Variants in PARN observed in about 807,000 individuals in gnomAD.
The protein encoded by PARN is poly(A)-specific ribonuclease PARN.
A neutral mutation model predicts 102.8 loss-of-function variants in PARN; 71 were observed. The ratio of observed to expected loss-of-function variants is 0.69; its 90% confidence interval spans 0.57 to 0.84. PARN has a LOEUF of 0.84. Among genes scored for constraint, PARN ranks in the 40% least tolerant of loss-of-function variants. The pLI is 0.00. For missense variants in PARN, 782 were observed against 760.9 expected (o/e 1.03, Z -0.33); for synonymous variants, 261 against 252.9 (o/e 1.03, Z -0.30).
At chr16:14,617,981 A>G (rs1972034645) in intron 5 of PARN, among the ~76,000 whole-genome samples, 1 of 151,692 alleles carries the variant, frequency 6.6e-6, no homozygotes, top group African/African-American at 2.4e-5. Flanking sequence ...TGCTGGGATT[A>G]CAGATGTGAG....
At chr16:14,530,590 C>G (rs1966272280) in intron 21 of PARN, among the ~76,000 whole-genome samples, 1 of 151,736 alleles carries the variant, frequency 6.6e-6, no homozygotes, top group African/African-American at 2.4e-5. Context: ...CATTTTCTAA[C>G]TTCTTCCATT....
intron 21 of PARN, among the ~76,000 whole-genome samples, chr16:14,518,325 A>C (rs981905131): frequency 6.7e-6 from 1 of 148,360 alleles, no homozygotes; most frequent in Non-Finnish European, 1.5e-5. Flanking sequence ...AAGACTACTC[A>C]TATTAAAGAA....
At chr16:14,542,747 T>A (rs1426447227) in intron 21 of PARN, among the ~76,000 whole-genome samples, 1 of 152,152 alleles carries the variant, frequency 6.6e-6, no homozygotes, top group Non-Finnish European at 1.5e-5. Context: ...AAAGAGTCAG[T>A]GATCCTGTGG....
chr16:14,602,337 C>A (rs958312764), intron 11 of PARN, among the ~76,000 whole-genome samples: 26 of 152,000 alleles, frequency 1.7e-4, no homozygotes, highest in African/African-American at 4.1e-4. Context: ...AGCCCCAGGT[C>A]CTCTTCTCAT....
Position 14,629,645 on chromosome 16 carries a change from G to T in PARN, c.49C>A (p.Gln17Lys). 1 of 1,613,252 alleles carries T rather than the reference G, an allele frequency of 6.2e-7. No homozygotes were observed. The change falls in exon 2 of 24, where the codon CAG becomes AAG. Residue 17 changes from glutamine (Q) to lysine (K), a missense_variant. Coordinates refer to ENST00000437198, the MANE Select transcript of PARN (RefSeq NM_002582.4). ...NFKSNLHKVY[Q>K]AIEEADFFAI... ...AAGAAGTCGGCCTCCTCTATGGCCT[G>T]GTACACTTTGTGAAGATTACTCTTA...
At chr16:14,529,264 T>C (rs1180794444) in intron 21 of PARN, among the ~76,000 whole-genome samples, 1 of 152,236 alleles carries the variant, frequency 6.6e-6, no homozygotes, top group Non-Finnish European at 1.5e-5. Flanking sequence ...AATGTTTTAC[T>C]TGGCGTTGGA....
At chr16:14,498,562 C>T (rs570501944) in intron 21 of PARN, among the ~76,000 whole-genome samples, 1 of 152,134 alleles carries the variant, frequency 6.6e-6, no homozygotes, top group Non-Finnish European at 1.5e-5. Flanking sequence ...CAGGACACAT[C>T]ATACACGATC....
chr16:14,504,151 A>C (rs1018585926), intron 21 of PARN, among the ~76,000 whole-genome samples: 2 of 152,230 alleles, frequency 1.3e-5, no homozygotes, highest in East Asian at 3.8e-4. Context: ...ACTAATTTTT[A>C]ATGCACAAGG....
At chr16:14,544,273 T>A (rs1449582517) in intron 21 of PARN, among the ~76,000 whole-genome samples, 1 of 151,880 alleles carries the variant, frequency 6.6e-6, no homozygotes, top group East Asian at 1.9e-4. Flanking sequence ...CTAGAATAAA[T>A]AGAAGGAAAA....
At chr16:14,501,040 T>C (rs578154939) in intron 21 of PARN, among the ~76,000 whole-genome samples, 2 of 152,062 alleles carry the variant, frequency 1.3e-5, no homozygotes, top group Admixed American at 6.6e-5. Flanking sequence ...CAAAATAATT[T>C]TAACTAATAT....
At chr16:14,474,910 T>C (rs1385757793) in intron 22 of PARN, among the ~76,000 whole-genome samples, 1 of 152,270 alleles carries the variant, frequency 6.6e-6, no homozygotes, top group Non-Finnish European at 1.5e-5. Flanking sequence ...TTCTCCTTCC[T>C]AAAGGGCTTT....
intron 21 of PARN, among the ~76,000 whole-genome samples, chr16:14,491,739 T>A (rs1384566675): frequency 1.3e-5 from 2 of 151,812 alleles, no homozygotes; most frequent in South Asian, 2.1e-4. Context: ...ACCACTATAT[T>A]CCAGCCTGCG....
chr16:14,519,955 AAG>A (rs1460863714), intron 21 of PARN, among the ~76,000 whole-genome samples: 1 of 152,206 alleles, frequency 6.6e-6, no homozygotes, highest in Non-Finnish European at 1.5e-5. Context: ...CACACACAAA[AAG>A]AGAGATACTA....
At position 14,617,890 on chromosome 16, in the gene PARN, A is replaced by G. The variant is rs190554128; in HGVS notation, c.328-240T>C. Among the ~76,000 whole-genome samples, 74 of 152,034 alleles carry G rather than the reference A, an allele frequency of 4.9e-4. 1 individual carries two copies. In the East Asian group the frequency reaches 0.014, roughly 29 times the overall value. ...TCCTTTGTTTCACAATTTTTTTTTT[A>G]TAGACAGGGTCTCACTATGTTGCCC... On this transcript the variant is annotated intron_variant, in intron 5 of 23. Coordinates refer to ENST00000437198, the MANE Select transcript of PARN (RefSeq NM_002582.4).
chr16:14,494,719 C>T (rs140657382), intron 21 of PARN, among the ~76,000 whole-genome samples: 8 of 152,342 alleles, frequency 5.3e-5, no homozygotes, highest in African/African-American at 1.9e-4. Context: ...AGATCTCCTC[C>T]TCCTGACAAA....
intron 5 of PARN, among the ~76,000 whole-genome samples, chr16:14,625,306 T>G (rs1188977919): frequency 6.6e-6 from 1 of 152,048 alleles, no homozygotes; most frequent in Non-Finnish European, 1.5e-5. Context: ...GAGACCAGCC[T>G]GATCAACATG....
At chr16:14,501,079 T>A (rs1964559706) in intron 21 of PARN, among the ~76,000 whole-genome samples, 1 of 151,794 alleles carries the variant, frequency 6.6e-6, no homozygotes, top group Non-Finnish European at 1.5e-5. Context: ...AGTAACTAAT[T>A]CCCTTGAGGA....
At chr16:14,626,428 TG>T (rs1245823962) in intron 5 of PARN, among the ~76,000 whole-genome samples, 1 of 152,160 alleles carries the variant, frequency 6.6e-6, no homozygotes, top group East Asian at 1.9e-4. Flanking sequence ...GGATTACAGG[TG>T]TAAACCACCA....
chr16:14,566,333 G>A (rs1555499881), intron 18 of PARN, among the ~76,000 whole-genome samples: 1 of 152,218 alleles, frequency 6.6e-6, no homozygotes, highest in Non-Finnish European at 1.5e-5. Context: ...CACAGAGGAG[G>A]AGGAGGCAAT....
Sources: allele counts gnomAD v4.1 joint callset (sites outside exome capture counted in the v4.1 genomes callset), GRCh38; gene constraint gnomAD v4.1.1; transcripts MANE v1.5; gene names NCBI Gene and HGNC (gene_info 2026-07-23, HGNC 2026-07-21).